The following SAMD5 variants were observed in gnomAD, a reference collection of about 807,000 sequenced individuals.
SAMD5 encodes sterile alpha motif domain containing 5, also known as sterile alpha motif domain-containing protein 5.
SAMD5 carries 13 observed loss-of-function variants against 11.3 expected under a neutral mutation model. The ratio of observed to expected loss-of-function variants is 1.15; its 90% CI spans 0.75 to 1.83. The LOEUF (loss-of-function observed/expected upper bound fraction) is 1.83. Ranked by LOEUF, SAMD5 falls within the 40% of genes most tolerant of loss-of-function variation. The pLI, the probability that SAMD5 is intolerant of heterozygous loss-of-function variation, is 0.00. For missense variants in SAMD5, 255 were observed against 239.1 expected, an observed-to-expected ratio of 1.07 and a Z score of -0.44; for synonymous variants, 129 against 111.3, an observed-to-expected ratio of 1.16 and a Z score of -1.00.
the SAMD5 span, among the ~76,000 whole-genome samples, chr6:147,799,653 C>T: frequency 1.3e-5 from 2 of 151,574 alleles, no homozygotes; most frequent in African/African-American, 4.9e-5. Context: ...GGATAATATC[C>T]TGAAGAGTGT....
At chr6:147,953,122 A>G in the SAMD5 span, among the ~76,000 whole-genome samples, 1 of 152,150 alleles carries the variant, frequency 6.6e-6, no homozygotes, top group Non-Finnish European at 1.5e-5. Flanking sequence ...AAGATCTCCA[A>G]ATTCATCTAA....
intron 1 of SAMD5, among the ~76,000 whole-genome samples, chr6:147,688,821 G>C (rs184814449): frequency 4.6e-5 from 7 of 152,246 alleles, no homozygotes; most frequent in African/African-American, 1.7e-4. Context: ...TGTTCCAGGT[G>C]GGACACTTTT....
chr6:147,870,083 A>G, the SAMD5 span, among the ~76,000 whole-genome samples: 101 of 152,222 alleles, frequency 6.6e-4, no homozygotes, highest in African/African-American at 2.2e-3. Context: ...AATCTCATGT[A>G]TATTTCACAT....
At chr6:147,540,943 T>G (rs868012979) in intron 1 of SAMD5, among the ~76,000 whole-genome samples, 1 of 136,728 alleles carries the variant, frequency 7.3e-6, no homozygotes, top group Non-Finnish European at 1.6e-5. Flanking sequence ...GTTTTTTTTT[T>G]TTTTTTTTTT....
the SAMD5 span, among the ~76,000 whole-genome samples, chr6:147,928,029 G>T: frequency 1.3e-5 from 2 of 152,154 alleles, no homozygotes; most frequent in Non-Finnish European, 2.9e-5. Context: ...CTTGATCGTG[G>T]TGGATAAACT....
intron 1 of SAMD5, among the ~76,000 whole-genome samples, chr6:147,662,398 G>A (rs971808160): frequency 1.3e-5 from 2 of 152,158 alleles, no homozygotes; most frequent in East Asian, 1.9e-4. Flanking sequence ...ACTCACTCTG[G>A]TTTGTTTTAA....
At chr6:147,630,284 T>C (rs889144312) in intron 1 of SAMD5, among the ~76,000 whole-genome samples, 3 of 152,100 alleles carry the variant, frequency 2.0e-5, no homozygotes, top group Non-Finnish European at 4.4e-5. Context: ...TAGTTTTTCA[T>C]CTATTCATGA....
chr6:147,783,334 G>C, the SAMD5 span, among the ~76,000 whole-genome samples: 1 of 144,350 alleles, frequency 6.9e-6, no homozygotes, highest in Non-Finnish European at 1.5e-5. Context: ...CATCAGACCT[G>C]ATCTAAAATC....
chr6:147,680,594 T>C (rs1790927492), intron 1 of SAMD5, among the ~76,000 whole-genome samples: 1 of 152,032 alleles, frequency 6.6e-6, no homozygotes, highest in African/African-American at 2.4e-5. Flanking sequence ...TACTTAATCT[T>C]AGGTGGAACG....
chr6:147,872,745 C>T, the SAMD5 span, among the ~76,000 whole-genome samples: 1 of 151,968 alleles, frequency 6.6e-6, no homozygotes, highest in Non-Finnish European at 1.5e-5. Flanking sequence ...CCATCACCTA[C>T]ACTCAGTCTG....
At chr6:147,697,676 G>A (rs1191810906) in intron 1 of SAMD5, among the ~76,000 whole-genome samples, 4 of 152,214 alleles carry the variant, frequency 2.6e-5, no homozygotes, top group Non-Finnish European at 4.4e-5. Context: ...GTAACAACGT[G>A]TAAGAAAGCA....
chr6:147,837,929 A>G, the SAMD5 span, among the ~76,000 whole-genome samples: 2 of 151,716 alleles, frequency 1.3e-5, no homozygotes, highest in Non-Finnish European at 2.9e-5. Flanking sequence ...CAGGGATGGA[A>G]CTCCCATGCC....
intron 1 of SAMD5, among the ~76,000 whole-genome samples, chr6:147,588,690 C>T (rs1381630445): frequency 2.0e-5 from 3 of 151,976 alleles, no homozygotes; most frequent in Admixed American, 6.6e-5. Flanking sequence ...CTCTGTGATG[C>T]AATTTTGAAA....
chr6:147,933,999 G>T, the SAMD5 span, among the ~76,000 whole-genome samples: 1 of 152,162 alleles, frequency 6.6e-6, no homozygotes, highest in African/African-American at 2.4e-5. Flanking sequence ...CCCTGGGCAC[G>T]TCCTAATATA....
At chr6:147,713,629 C>T (rs997975676) in intron 1 of SAMD5, among the ~76,000 whole-genome samples, 76 of 152,216 alleles carry the variant, frequency 5.0e-4, no homozygotes, top group African/African-American at 1.8e-3. Flanking sequence ...TAGTGTCTAT[C>T]CAAGAGTGTT....
At chr6:147,666,157 G>C (rs954841562) in intron 1 of SAMD5, among the ~76,000 whole-genome samples, 1 of 152,192 alleles carries the variant, frequency 6.6e-6, no homozygotes, top group African/African-American at 2.4e-5. Context: ...CAGGCTGGTC[G>C]CCAACTCCTG....
At chr6:147,515,373 C>T (rs1395097516) in intron 1 of SAMD5, among the ~76,000 whole-genome samples, 1 of 151,896 alleles carries the variant, frequency 6.6e-6, no homozygotes, top group African/African-American at 2.4e-5. Context: ...ACCCATCCAT[C>T]CATCGATTTA....
At position 147,684,009 on chromosome 6, in the gene SAMD5, A is replaced by T. The variant is rs1191884573; in HGVS notation, c.163-53308A>T. ...CAGAAATACCACACAAATCATGAACATACATCTTGATCAGTTATCACAAGG... is the reference window on the plus strand; with the variant it reads ...CAGAAATACCACACAAATCATGAACTTACATCTTGATCAGTTATCACAAGG... On this transcript the variant is annotated intron_variant, in intron 1 of 1. Transcript: ENST00000566741. 2.6e-5 allele frequency among the ~76,000 whole-genome samples: 4 copies of T among 152,324 alleles called. No homozygotes were observed. The South Asian group carries it at 8.3e-4, about 32-fold the overall frequency.
chr6:147,816,281 C>CAAAAAAA, the SAMD5 span, among the ~76,000 whole-genome samples: 9 of 27,842 alleles, frequency 3.2e-4, 1 homozygote, highest in African/African-American at 9.6e-4. Flanking sequence ...ACTCCGTCTC[C>CAAAAAAA]AAAAAAAAAA....
Sources: allele counts gnomAD v4.1 joint callset (sites outside exome capture counted in the v4.1 genomes callset), GRCh38; gene constraint gnomAD v4.1.1; transcripts MANE v1.5; gene names NCBI Gene and HGNC (gene_info 2026-07-23, HGNC 2026-07-21).